Variants in DIP2A observed in about 807,000 individuals in gnomAD.
DIP2A encodes the protein disco-interacting protein 2 homolog A.
In DIP2A, 85 loss-of-function variants were observed where a neutral mutation model predicts 177.4. That is an observed-to-expected ratio of 0.48 (90% CI 0.40 to 0.57). The LOEUF is 0.57. Among genes scored for constraint, DIP2A ranks in the 20% least tolerant of loss-of-function variants. DIP2A has a pLI of 0.00. For missense variants in DIP2A, 1,791 were observed against 2,100.2 expected (o/e 0.85, Z 2.88); for synonymous variants, 886 against 881.8 (o/e 1.00, Z -0.08).
chr21:46,554,170 G>T lies in DIP2A; in HGVS notation c.3032G>T (p.Gly1011Val). The change falls in exon 26 of 38, where the codon GGC (glycine) becomes GTC (valine). Residue 1011 changes from glycine (G) to valine (V), a missense_variant and splice_region_variant. By Grantham distance (109) the Gly-to-Val change is moderately radical. Coordinates refer to ENST00000417564, the MANE Select transcript of DIP2A (RefSeq NM_015151.4). ...HPLFLLLNAK[G>V]TVTSTATCVQ... ...TGAGCTCAAAGATCGCTTTCCTAGG[G>T]CACCGTCACAAGCACTGCAACCTGT... 3 of 1,613,618 alleles carry T rather than the reference G, an allele frequency of 1.9e-6. No individual in the cohort carries two copies. The highest frequency in any genetic ancestry group is 2.5e-6 in the Non-Finnish European group (3 of 1,179,620).
In DIP2A at chr21:46,537,128, T is replaced by C. The variant is rs2059606975; in HGVS notation, c.1643-96T>C. On this transcript the variant is annotated intron_variant, in intron 13 of 37. Coordinates refer to ENST00000417564, the MANE Select transcript of DIP2A (RefSeq NM_015151.4). This position sits in a 1 kb window ranked among gnomAD's most constrained non-coding sequence, Gnocchi z 4.1. ...GCTGTATCTGTTCCTGAAACTTACA[T>C]GTTGATGACGTACTCACCTCAGAAT... is the stretch of plus-strand genomic sequence containing the variant. 4.3e-6 allele frequency: 5 copies of C among 1,161,386 alleles called. No individual in the cohort carries two copies. Among genetic ancestry groups the C allele is most frequent in the Non-Finnish European group, 6.5e-6 (5 of 768,318 alleles). 71.9% of individuals were successfully genotyped at this position (1,161,386 alleles called of 1,614,324 possible).
intron 1 of DIP2A, among the ~76,000 whole-genome samples, chr21:46,478,889 T>G (rs913799134): frequency 6.6e-6 from 1 of 152,342 alleles, no homozygotes; most frequent in South Asian, 2.1e-4. Flanking sequence ...CATATGTGCC[T>G]AATTACTTCT....
At chr21:46,502,418 C>T (rs1246219995) in intron 5 of DIP2A, among the ~76,000 whole-genome samples, 1 of 149,806 alleles carries the variant, frequency 6.7e-6, no homozygotes, top group South Asian at 2.1e-4. Context: ...AAGTGTGAGC[C>T]ACTGCACAGC....
intron 8 of DIP2A, among the ~76,000 whole-genome samples, chr21:46,515,025 C>T (rs952698012): frequency 6.6e-6 from 1 of 152,190 alleles, no homozygotes; most frequent in Non-Finnish European, 1.5e-5. Flanking sequence ...TTTAAATATA[C>T]ACCCAGATTT....
intron 1 of DIP2A, among the ~76,000 whole-genome samples, chr21:46,469,789 C>T (rs2038153021): frequency 6.6e-6 from 1 of 152,180 alleles, no homozygotes; most frequent in Non-Finnish European, 1.5e-5. Context: ...TGGCAAACAT[C>T]TACTGGTTCC....
chr21:46,461,431 G>A (rs1222562231), intron 1 of DIP2A, among the ~76,000 whole-genome samples: 1 of 152,008 alleles, frequency 6.6e-6, no homozygotes, highest in Non-Finnish European at 1.5e-5. Context: ...TCACATATAC[G>A]CAGTTTAGAT....
intron 23 of DIP2A, 55 bp downstream of exon 23, chr21:46,550,799 G>A (rs2060243228): frequency 1.3e-6 from 2 of 1,578,056 alleles, no homozygotes; most frequent in Non-Finnish European, 8.7e-7. Context: ...TAACAGCGGT[G>A]CTTGTGGTTA....
chr21:46,493,002 G>T (rs1406000017), intron 3 of DIP2A, among the ~76,000 whole-genome samples: 3 of 152,008 alleles, frequency 2.0e-5, no homozygotes, highest in African/African-American at 7.2e-5. Flanking sequence ...ATCAACCTAT[G>T]AGTACAATGG....
intron 4 of DIP2A, 60 bp downstream of exon 4, chr21:46,497,167 T>C (rs2057404162): frequency 1.3e-6 from 2 of 1,561,788 alleles, no homozygotes; most frequent in African/African-American, 1.4e-5. Flanking sequence ...CCTGATGTTA[T>C]CCTATTTACT....
intron 17 of DIP2A, among the ~76,000 whole-genome samples, chr21:46,540,707 A>C (rs2059778463): frequency 6.6e-6 from 1 of 152,138 alleles, no homozygotes; most frequent in African/African-American, 2.4e-5. Flanking sequence ...AACTAACCCT[A>C]AGTTTTTAAA....
chr21:46,489,545 G>A (rs2056888795), intron 2 of DIP2A, among the ~76,000 whole-genome samples: 1 of 152,092 alleles, frequency 6.6e-6, no homozygotes, highest in Non-Finnish European at 1.5e-5. Flanking sequence ...GAGCCGTGTC[G>A]CCTTTCACGA....
chr21:46,570,178 T>C (rs1043221690), downstream of DIP2A, among the ~76,000 whole-genome samples: 3 of 152,204 alleles, frequency 2.0e-5, no homozygotes, highest in African/African-American at 7.2e-5. Context: ...TGCCTTGGGC[T>C]CAGTTCTTAT....
At chr21:46,506,790 T>A (rs1200292790) in intron 6 of DIP2A, among the ~76,000 whole-genome samples, 1 of 144,462 alleles carries the variant, frequency 6.9e-6, no homozygotes, top group African/African-American at 2.5e-5. Context: ...TTCTTTCTTT[T>A]CTTTCTTTCT....
At position 46,534,049 on chromosome 21, in the gene DIP2A, C is replaced by T; in HGVS notation, c.1475C>T (p.Ala492Val). The part of the protein sequence containing the change: ...SWLVIDGKHL[A>V]KPPKDWHPLA... ...CTAGTGATTGATGGGAAGCATCTAG[C>T]CAAGCCCCCAAAGGACTGGCACCCT... Residue 492 changes from alanine to valine, a missense_variant, in exon 12 of 38, where the codon GCC becomes GTC. Coordinates refer to ENST00000417564, the MANE Select transcript of DIP2A (RefSeq NM_015151.4). The T allele has an allele frequency of 6.2e-7, 1 of 1,613,842 alleles. No homozygotes were observed. The highest frequency in any genetic ancestry group is 1.1e-5 in the South Asian group (1 of 91,048).
chr21:46,581,976 G>A, the DIP2A span, among the ~76,000 whole-genome samples: 3 of 152,196 alleles, frequency 2.0e-5, no homozygotes, highest in Admixed American at 2.0e-4. Flanking sequence ...GGTGGAGTGG[G>A]TGCACTGCAC....
In DIP2A at chr21:46,496,857, A is replaced by T. The variant is rs1601515787; in HGVS notation, c.284-131A>T. 8.7e-6 allele frequency: 7 copies of T among 808,532 alleles called. No homozygotes were observed. The South Asian group carries it at 2.1e-4, about 24-fold the overall frequency. The allele number at this position is 808,532 out of a possible 1,614,324, so 50.1% of individuals were successfully genotyped here. On this transcript the variant is annotated intron_variant, in intron 3 of 37. Transcript: ENST00000417564. ...ATATTTAAAGAAATCTAGGACCAAC[A>T]TGTGAGGATAGACAGAGAGAGCTTC...
chr21:46,494,678 C>T (rs1457984382), intron 3 of DIP2A, among the ~76,000 whole-genome samples: 1 of 152,216 alleles, frequency 6.6e-6, no homozygotes, highest in African/African-American at 2.4e-5. Context: ...CACTGGCCTC[C>T]TCCAATGGCA....
At chr21:46,539,004 C>T (rs1393305038) in intron 16 of DIP2A, 1 of 183,910 alleles carries the variant, frequency 5.4e-6, no homozygotes, top group South Asian at 9.1e-5. Context: ...CATTCTCCCT[C>T]CTGGTTTGCC....
chr21:46,479,722 A>G (rs1283493608), intron 1 of DIP2A, among the ~76,000 whole-genome samples: 1 of 152,092 alleles, frequency 6.6e-6, no homozygotes, highest in Non-Finnish European at 1.5e-5. Context: ...TTGTAGAGAC[A>G]GGGTCTCTTT....
Sources: gnomAD v4.1 joint callset for allele counts (sites outside exome capture counted in the v4.1 genomes callset) on GRCh38, gnomAD v4.1.1 for gene constraint, Gnocchi (gnomAD v3.1) non-coding constraint, MANE v1.5 for transcripts, NCBI Gene and HGNC (gene_info 2026-07-23, HGNC 2026-07-21) for gene names.